Variants in C1QTNF7 observed in about 807,000 individuals in gnomAD.
The protein encoded by C1QTNF7 is C1q and TNF related 7, also known as complement C1q tumor necrosis factor-related protein 7.
A neutral mutation model predicts 19.6 loss-of-function variants in C1QTNF7; 15 were observed. That is an observed-to-expected ratio of 0.76 (90% confidence interval 0.51 to 1.18). The LOEUF is 1.18. Among genes scored for constraint, C1QTNF7 ranks in the 50% most tolerant of loss-of-function variants. The pLI, the probability that C1QTNF7 is intolerant of heterozygous loss-of-function variation, is 0.00. For synonymous variants in C1QTNF7, 142 were observed against 137.5 expected (o/e 1.03, Z -0.23); for missense variants, 324 against 359.7 (o/e 0.90, Z 0.80).
intron 1 of C1QTNF7, among the ~76,000 whole-genome samples, chr4:15,408,119 C>A (rs1164451999): frequency 6.6e-6 from 1 of 150,954 alleles, no homozygotes; most frequent in Non-Finnish European, 1.5e-5. Context: ...TTACAAAAAA[C>A]AAAATTAGCC....
At chr4:15,361,494 G>T (rs1717340893) in intron 1 of C1QTNF7, among the ~76,000 whole-genome samples, 1 of 151,908 alleles carries the variant, frequency 6.6e-6, no homozygotes, top group South Asian at 2.1e-4. Context: ...ATTATCTGGG[G>T]GAAGAAAAAC....
At chr4:15,377,539 T>A (rs147432999) in intron 1 of C1QTNF7, among the ~76,000 whole-genome samples, 1 of 152,176 alleles carries the variant, frequency 6.6e-6, no homozygotes, top group African/African-American at 2.4e-5. Context: ...ACCAGCAACA[T>A]AGAGTATTTG....
At chr4:15,355,637 A>G (rs1473901838) in intron 1 of C1QTNF7, among the ~76,000 whole-genome samples, 1 of 152,036 alleles carries the variant, frequency 6.6e-6, no homozygotes, top group South Asian at 2.1e-4. Context: ...GGATGGTAGG[A>G]GTTAACTGAG....
chr4:15,421,511 C>T (rs948056677), intron 1 of C1QTNF7, among the ~76,000 whole-genome samples: 1 of 152,086 alleles, frequency 6.6e-6, no homozygotes, highest in Admixed American at 6.5e-5. Flanking sequence ...TACGGAGCAC[C>T]CACGAAGTGC....
rs371132609 is a variant in C1QTNF7, at chr4:15,354,349, G to A, written c.13+14142G>A. Among the ~76,000 whole-genome samples, 4 of 152,126 alleles carry A rather than the reference G, an allele frequency of 2.6e-5. No individual in the cohort carries two copies. The East Asian group carries it at 5.8e-4, about 22-fold the overall frequency. ...ATTTTGACCTTATTCTGAAGGAAAT[G>A]GGATGCCATCAAAGGTTTTTGATTG... On this transcript the variant is annotated intron_variant, in intron 1 of 2. Coordinates refer to the C1QTNF7 transcript ENST00000295297.
intron 1 of C1QTNF7, among the ~76,000 whole-genome samples, chr4:15,405,800 C>A (rs1392395591): frequency 6.6e-6 from 1 of 152,210 alleles, no homozygotes; most frequent in Non-Finnish European, 1.5e-5. Flanking sequence ...GCTTTCAAGA[C>A]CCTGCATAAC....
At position 15,446,049 on chromosome 4, in the gene C1QTNF7, C is replaced by G. The variant is rs1210170658; in HGVS notation, c.*3250C>G. 1.3e-5 allele frequency: 2 copies of G among 152,156 alleles called. No homozygotes were observed. Among genetic ancestry groups the G allele is most frequent in the African/African-American group, 4.8e-5 (2 of 41,438 alleles). The allele number at this position is 152,156 out of a possible 1,614,324, so 9.4% of individuals were successfully genotyped here. A position where few individuals can be genotyped will look rare whatever the true frequency, so the allele number is the denominator to read the frequency against. On this transcript the variant is annotated 3_prime_UTR_variant, in exon 3 of 3. Coordinates refer to ENST00000444304, the MANE Select transcript of C1QTNF7 (RefSeq NM_031911.5). ...TGCATGCACAAGGGTATTTCCAGGT[C>G]ATTTATCATTGTGAACAGTGTTGCT...
At chr4:15,384,692 G>A (rs560217027) in intron 1 of C1QTNF7, among the ~76,000 whole-genome samples, 2 of 152,304 alleles carry the variant, frequency 1.3e-5, no homozygotes, top group East Asian at 3.9e-4. Flanking sequence ...TTTATACTTG[G>A]CCTGTGAAAC....
chr4:15,350,227 GAGGAAAGA>G (rs1560337474), intron 1 of C1QTNF7, among the ~76,000 whole-genome samples: 1 of 131,022 alleles, frequency 7.6e-6, no homozygotes, highest in African/African-American at 2.8e-5. Context: ...GGGAAGGAAG[GAGGAAAGA>G]AGGGAGGGAG....
At chr4:15,409,843 T>C (rs962003641) in intron 1 of C1QTNF7, among the ~76,000 whole-genome samples, 1 of 152,216 alleles carries the variant, frequency 6.6e-6, no homozygotes, top group Non-Finnish European at 1.5e-5. Context: ...ATATAAAGCA[T>C]TCCACACACA....
Position 15,435,926 on chromosome 4 carries a change from A to G in C1QTNF7, c.183A>G (p.Pro61=), listed in dbSNP as rs1294246529. 1 of 1,614,114 alleles carries G rather than the reference A, an allele frequency of 6.2e-7. No individual in the cohort carries two copies. Among genetic ancestry groups the G allele is most frequent in the South Asian group, 1.1e-5 (1 of 91,086 alleles). The part of the protein sequence containing the change: ...SPGPHGRIGL[P]GRDGRDGRKG... Reference sequence around the variant, plus strand: ...GGCCCCATGGTCGCATCGGCCTTCCAGGAAGAGATGGTAGAGACGGCAGGA... The same window carrying G: ...GGCCCCATGGTCGCATCGGCCTTCCGGGAAGAGATGGTAGAGACGGCAGGA... The change falls in exon 2 of 3, where the codon CCA becomes CCG. Residue 61 remains proline, a synonymous_variant. Transcript: ENST00000444304.
intron 1 of C1QTNF7, among the ~76,000 whole-genome samples, chr4:15,401,111 TC>T (rs1268276521): frequency 8.5e-5 from 13 of 152,122 alleles, no homozygotes; most frequent in Non-Finnish European, 1.9e-4. Context: ...TCAGAATAGT[TC>T]CTTTAGAGAG....
At chr4:15,377,271 G>A (rs1038848286) in intron 1 of C1QTNF7, among the ~76,000 whole-genome samples, 1 of 152,182 alleles carries the variant, frequency 6.6e-6, no homozygotes, top group African/African-American at 2.4e-5. Flanking sequence ...TTACCCTGTG[G>A]TCAGAATCAA....
At chr4:15,432,264 G>A (rs1023420010) in intron 1 of C1QTNF7, among the ~76,000 whole-genome samples, 14 of 152,250 alleles carry the variant, frequency 9.2e-5, no homozygotes, top group South Asian at 4.1e-4. Flanking sequence ...ACCAAACAGC[G>A]TGATCCCACT....
chr4:15,390,060 G>C (rs1281780021), intron 1 of C1QTNF7, among the ~76,000 whole-genome samples: 3 of 152,132 alleles, frequency 2.0e-5, no homozygotes, highest in Non-Finnish European at 4.4e-5. Flanking sequence ...GGGAAGGGAG[G>C]AATTTGTCCG....
At chr4:15,410,164 G>A (rs1719355061) in intron 1 of C1QTNF7, among the ~76,000 whole-genome samples, 1 of 152,176 alleles carries the variant, frequency 6.6e-6, no homozygotes, top group South Asian at 2.1e-4. Context: ...AATGTGTGCA[G>A]TCATAATTTT....
intron 1 of C1QTNF7, among the ~76,000 whole-genome samples, chr4:15,429,912 A>G (rs1712232099): frequency 6.6e-6 from 1 of 152,188 alleles, no homozygotes; most frequent in East Asian, 1.9e-4. Flanking sequence ...TATTTTTCCA[A>G]GAAAAAAATA....
intron 1 of C1QTNF7, among the ~76,000 whole-genome samples, chr4:15,393,906 G>A (rs1200896340): frequency 6.6e-6 from 1 of 152,162 alleles, no homozygotes; most frequent in East Asian, 1.9e-4. Flanking sequence ...TTTCTAATGA[G>A]GATAGACAGA....
At chr4:15,418,889 T>TA (rs1293432747) in intron 1 of C1QTNF7, among the ~76,000 whole-genome samples, 3 of 152,136 alleles carry the variant, frequency 2.0e-5, no homozygotes, top group Admixed American at 2.0e-4. Flanking sequence ...TGAGACTGTG[T>TA]AGGGAATTGG....
Sources: gnomAD v4.1 joint callset for allele counts (sites outside exome capture counted in the v4.1 genomes callset) on GRCh38, gnomAD v4.1.1 for gene constraint, MANE v1.5 for transcripts, NCBI Gene and HGNC (gene_info 2026-07-23, HGNC 2026-07-21) for gene names.